Variants in ZBTB44 observed in about 807,000 individuals in gnomAD.
ZBTB44 encodes zinc finger and BTB domain-containing protein 44.
Under a neutral mutation model 54.0 loss-of-function variants are expected in ZBTB44, and 15 were observed. The observed-to-expected ratio is 0.28, with a 90% confidence interval of 0.19 to 0.43. The LOEUF (loss-of-function observed/expected upper bound fraction) is 0.43. Among genes scored for constraint, ZBTB44 ranks in the 20% least tolerant of loss-of-function variants. The probability of loss-of-function intolerance (pLI) is 1.00; values close to 1 mark genes in which losing one functional copy is unlikely to be tolerated. For synonymous variants in ZBTB44, 230 were observed against 250.1 expected (o/e 0.92, Z 0.76); for missense variants, 487 against 707.1 (o/e 0.69, Z 3.53).
chr11:130,294,111 T>C (rs1941480516), intron 1 of ZBTB44, among the ~76,000 whole-genome samples: 1 of 152,134 alleles, frequency 6.6e-6, no homozygotes, highest in African/African-American at 2.4e-5. Context: ...AAAAGGATTT[T>C]TTATATCCAG....
In ZBTB44 at chr11:130,238,579, G is replaced by A. The variant is rs1954213736; in HGVS notation, c.1132C>T (p.Leu378Phe). 8 of 1,612,510 alleles carry A rather than the reference G, an allele frequency of 5.0e-6. No individual in the cohort carries two copies. Among genetic ancestry groups the A allele is most frequent in the Non-Finnish European group, 6.8e-6 (8 of 1,179,518 alleles). ...CTGCTGGTGGAAGGAGCAATGTAGAGTTGGTAGGGATACTGAACATTTTCC... is the reference window on the plus strand; with the variant it reads ...CTGCTGGTGGAAGGAGCAATGTAGAATTGGTAGGGATACTGAACATTTTCC... ...RLENVQYPYQ[L>F]YIAPSTSSTE... is the part of the protein sequence containing the mutation. Residue 378 changes from leucine (L) to phenylalanine (F), a missense_variant, in exon 4 of 8, where the codon CTC becomes TTC. Leu to Phe is a conservative substitution (Grantham distance 22). Around this residue, in one of 3 missense-constraint regions of ZBTB44, gnomAD observed 277 missense variants for 306.5 expected, o/e 0.90. Coordinates refer to ENST00000357899, the MANE Select transcript of ZBTB44 (RefSeq NM_001301098.2).
At chr11:130,244,866 TC>T (rs1211570121) in intron 2 of ZBTB44, among the ~76,000 whole-genome samples, 1 of 152,136 alleles carries the variant, frequency 6.6e-6, no homozygotes, top group Non-Finnish European at 1.5e-5. Context: ...AACAGGTACA[TC>T]ATCCACTTAA....
intron 3 of ZBTB44, chr11:130,239,407 G>A (rs1038714334): frequency 7.6e-5 from 14 of 184,860 alleles, no homozygotes; most frequent in African/African-American, 3.1e-4. Context: ...ACAGCAGTCC[G>A]TACAGCACAC....
chr11:130,283,064 T>TG (rs756517551), intron 1 of ZBTB44, among the ~76,000 whole-genome samples: 1,600 of 139,804 alleles, frequency 0.011, 14 homozygotes, highest in Middle Eastern at 0.023. Context: ...TTTTTTGAGA[T>TG]GGAGTCTCGC....
intron 2 of ZBTB44, among the ~76,000 whole-genome samples, chr11:130,248,199 C>T (rs1277561139): frequency 6.6e-6 from 1 of 152,176 alleles, no homozygotes; most frequent in Non-Finnish European, 1.5e-5. Context: ...AAGTACCATG[C>T]ACATCTTCCT....
intron 1 of ZBTB44, among the ~76,000 whole-genome samples, chr11:130,305,438 C>A (rs889850292): frequency 6.6e-6 from 1 of 152,044 alleles, no homozygotes; most frequent in African/African-American, 2.4e-5. Flanking sequence ...AATAGAGAAC[C>A]CCAAAATAAA....
At chr11:130,239,468 T>C (rs577531112) in intron 3 of ZBTB44, 4 of 238,960 alleles carry the variant, frequency 1.7e-5, no homozygotes, top group South Asian at 5.3e-5. Flanking sequence ...AACTCTGCCA[T>C]CCACAAACAA....
chr11:130,287,066 T>G (rs375334949), intron 1 of ZBTB44, among the ~76,000 whole-genome samples: 7 of 152,222 alleles, frequency 4.6e-5, no homozygotes, highest in African/African-American at 1.7e-4. Flanking sequence ...TTCGCCATCT[T>G]GCAAATTCAA....
At chr11:130,238,635 C>T in intron 3 of ZBTB44, 28 bp from the exon 4 acceptor site, 2 of 1,593,254 alleles carry the variant, frequency 1.3e-6, no homozygotes, top group Non-Finnish European at 1.7e-6. Context: ...AAGAAGGCAA[C>T]CAGGCTCTGA....
At chr11:130,233,965 A>G (rs1384228887) in intron 6 of ZBTB44, 191 bp downstream of exon 6, 16 of 1,429,600 alleles carry the variant, frequency 1.1e-5, no homozygotes, top group African/African-American at 1.4e-5. Context: ...CTTTCCAAAA[A>G]ACAAAACTGA....
intron 1 of ZBTB44, among the ~76,000 whole-genome samples, chr11:130,286,172 T>A (rs1290041711): frequency 6.6e-6 from 1 of 152,158 alleles, no homozygotes; most frequent in African/African-American, 2.4e-5. Context: ...AACAAAGTGA[T>A]CTTTAAAAAA....
chr11:130,270,068 TGACGTG>T, intron 1 of ZBTB44, among the ~76,000 whole-genome samples: 1 of 152,344 alleles, frequency 6.6e-6, no homozygotes, highest in South Asian at 2.1e-4. Context: ...GCATATAAAG[TGACGTG>T]GCTGCTTAAC....
chr11:130,249,935 A>T (rs1343639080), intron 2 of ZBTB44, among the ~76,000 whole-genome samples: 1 of 152,102 alleles, frequency 6.6e-6, no homozygotes, highest in Non-Finnish European at 1.5e-5. Context: ...GCCCCCTGCA[A>T]AGGGGGCTGA....
At chr11:130,305,420 T>C (rs1421510117) in intron 1 of ZBTB44, among the ~76,000 whole-genome samples, 2 of 152,154 alleles carry the variant, frequency 1.3e-5, no homozygotes, top group Admixed American at 6.5e-5. Flanking sequence ...TGTAGACCGA[T>C]GGAACAGAAT....
chr11:130,244,566 C>G (rs1954547630), intron 2 of ZBTB44, among the ~76,000 whole-genome samples: 1 of 150,258 alleles, frequency 6.7e-6, no homozygotes, highest in African/African-American at 2.5e-5. Context: ...ACTCGGGAGG[C>G]TGAGGCAGGA....
intron 1 of ZBTB44, among the ~76,000 whole-genome samples, chr11:130,309,665 C>G (rs1009997357): frequency 6.6e-6 from 1 of 151,960 alleles, no homozygotes; most frequent in African/African-American, 2.4e-5. Context: ...GAGGCCGAGG[C>G]AGGTGAATCA....
intron 2 of ZBTB44, among the ~76,000 whole-genome samples, chr11:130,260,144 C>A (rs528177030): frequency 6.6e-6 from 1 of 152,200 alleles, no homozygotes. Context: ...TTACAGCCTG[C>A]GCTCAACCAC....
At chr11:130,276,880 C>A (rs941008085) in intron 1 of ZBTB44, among the ~76,000 whole-genome samples, 1 of 152,124 alleles carries the variant, frequency 6.6e-6, no homozygotes, top group Admixed American at 6.5e-5. Context: ...GATGAAATGA[C>A]CCTTTTATCC....
In ZBTB44 at chr11:130,314,887, GTTT is replaced by G; in HGVS notation, c.-572_-570del. On this transcript the variant is annotated 5_prime_UTR_variant, in exon 1 of 8. Coordinates refer to ENST00000357899, the MANE Select transcript of ZBTB44 (RefSeq NM_001301098.2). ...GTTGCCGCTCCGCTCACTCCAGCCT[GTTT>G]GGGGGCACTTTGTTTGTGTCCCACA... 6.7e-6 allele frequency: 1 copy of G among 148,650 alleles called. No homozygotes were observed. The highest frequency in any genetic ancestry group is 1.5e-5 in the Non-Finnish European group (1 of 67,280). The allele number at this position is 148,650 out of a possible 1,614,324, so 9.2% of individuals were successfully genotyped here.
Sources: gnomAD v4.1 joint callset for allele counts (sites outside exome capture counted in the v4.1 genomes callset) on GRCh38, gnomAD v4.1.1 for gene constraint, gnomAD v4.1.1 regional missense constraint, MANE v1.5 for transcripts, NCBI Gene and HGNC (gene_info 2026-07-23, HGNC 2026-07-21) for gene names.